The following PRR16 variants were observed in gnomAD, a reference collection of about 807,000 sequenced individuals.
PRR16 encodes proline rich 16.
A neutral mutation model predicts 18.2 loss-of-function variants in PRR16; 6 were observed. The ratio of observed to expected loss-of-function variants is 0.33; its 90% CI spans 0.18 to 0.65. The LOEUF is 0.65. Ranked by LOEUF, PRR16 falls within the 30% of genes least tolerant of loss-of-function variation. PRR16 has a pLI of 0.74. For synonymous variants in PRR16, 151 were observed against 147.8 expected, an observed-to-expected ratio of 1.02 and a Z score of -0.16; for missense variants, 412 against 376.6, an observed-to-expected ratio of 1.09 and a Z score of -0.78.
At chr5:120,782,442 C>A in the PRR16 span, among the ~76,000 whole-genome samples, 3 of 152,148 alleles carry the variant, frequency 2.0e-5, no homozygotes, top group African/African-American at 4.8e-5. Flanking sequence ...AAAAGTGAAG[C>A]CTGATGGGAC....
chr5:120,686,218 C>G lies in PRR16; in HGVS notation c.424C>G (p.Pro142Ala), dbSNP rs770042101. ...VKCEDPKRVV[P>A]TANPVKTNGT... Reference sequence around the variant, plus strand: ...GTGTGAAGACCCCAAAAGGGTGGTTCCAACTGCCAATCCTGTAAAAACCAA... The same window carrying G: ...GTGTGAAGACCCCAAAAGGGTGGTTGCAACTGCCAATCCTGTAAAAACCAA... The change falls in exon 2 of 2, where the codon CCA becomes GCA. Residue 142 changes from proline to alanine, a missense_variant. Coordinates refer to ENST00000407149, the MANE Select transcript of PRR16 (RefSeq NM_001300783.2). 1.7e-5 allele frequency: 27 copies of G among 1,614,042 alleles called. No individual in the cohort carries two copies. The highest frequency in any genetic ancestry group is 2.2e-5 in the Non-Finnish European group (26 of 1,180,044).
At position 120,557,867 on chromosome 5, in the gene PRR16, G is replaced by C. The variant is rs137990616; in HGVS notation, c.159+93222G>C. Among the ~76,000 whole-genome samples, 574 of 151,942 alleles carry C rather than the reference G, an allele frequency of 3.8e-3. 3 individuals carry two copies. The highest frequency in any genetic ancestry group is 0.013 in the African/African-American group (551 of 41,506). ...ATCATTTTGGAACTCATGCTACTTG[G>C]AACCTCATAATGTTTAGAAAATATT... On this transcript the variant is annotated intron_variant, in intron 1 of 1. Coordinates refer to ENST00000407149, the MANE Select transcript of PRR16 (RefSeq NM_001300783.2).
intron 1 of PRR16, among the ~76,000 whole-genome samples, chr5:120,672,816 T>A (rs2150147857): frequency 6.6e-6 from 1 of 152,292 alleles, no homozygotes; most frequent in Non-Finnish European, 1.5e-5. Context: ...TAAGCTTGTG[T>A]TAAAGTTTAT....
chr5:120,687,784 A>C (rs1757164713), downstream of PRR16, among the ~76,000 whole-genome samples: 1 of 152,234 alleles, frequency 6.6e-6, no homozygotes. Flanking sequence ...TAAAAGAAAG[A>C]GAAGAAATCT....
intron 1 of PRR16, among the ~76,000 whole-genome samples, chr5:120,493,658 GC>G (rs1370969169): frequency 2.0e-5 from 3 of 152,040 alleles, no homozygotes; most frequent in African/African-American, 7.2e-5. Flanking sequence ...CTCTCCTATT[GC>G]CCTTTTACAG....
chr5:120,464,358 C>A lies in PRR16; in HGVS notation c.-129C>A, dbSNP rs535949287. The A allele has an allele frequency of 1.9e-6, 2 of 1,051,260 alleles. No homozygotes were observed. The highest frequency in any genetic ancestry group is 3.4e-5 in the African/African-American group (2 of 58,976). The allele number at this position is 1,051,260 out of a possible 1,614,324, so 65.1% of individuals were successfully genotyped here. A position where few individuals can be genotyped will look rare whatever the true frequency, so the allele number is the denominator to read the frequency against. ...CCGAGCGCGGAGCGCAGCCACTCGCCGCTGCCCAGGGAGCGCCCAAGATGT... is the reference window on the plus strand; with the variant it reads ...CCGAGCGCGGAGCGCAGCCACTCGCAGCTGCCCAGGGAGCGCCCAAGATGT... On this transcript the variant is annotated 5_prime_UTR_variant, in exon 1 of 2. Coordinates refer to ENST00000407149, the MANE Select transcript of PRR16 (RefSeq NM_001300783.2).
At chr5:120,493,673 T>A (rs1750143980) in intron 1 of PRR16, among the ~76,000 whole-genome samples, 1 of 152,180 alleles carries the variant, frequency 6.6e-6, no homozygotes, top group Non-Finnish European at 1.5e-5. Context: ...TTTACAGCTA[T>A]ACCCACTTCT....
intron 1 of PRR16, among the ~76,000 whole-genome samples, chr5:120,493,488 G>A (rs1750136085): frequency 1.3e-5 from 2 of 151,910 alleles, no homozygotes. Context: ...GATCATTGTA[G>A]ATTCTCATGC....
chr5:120,528,887 T>C (rs1751456637), intron 1 of PRR16, among the ~76,000 whole-genome samples: 1 of 152,178 alleles, frequency 6.6e-6, no homozygotes, highest in Non-Finnish European at 1.5e-5. Context: ...GTTTTGATGT[T>C]CTTCATAAGC....
At chr5:120,664,003 A>C (rs1462583867) in intron 1 of PRR16, among the ~76,000 whole-genome samples, 5 of 152,142 alleles carry the variant, frequency 3.3e-5, no homozygotes, top group African/African-American at 1.2e-4. Context: ...ATGTGTAAAA[A>C]ACTGGACAAA....
At chr5:120,677,324 G>T (rs1447434984) in intron 1 of PRR16, among the ~76,000 whole-genome samples, 1 of 152,118 alleles carries the variant, frequency 6.6e-6, no homozygotes, top group Non-Finnish European at 1.5e-5. Context: ...CCTCTGTTAG[G>T]CTTATATGAG....
At chr5:120,735,889 T>A in the PRR16 span, among the ~76,000 whole-genome samples, 3 of 152,220 alleles carry the variant, frequency 2.0e-5, no homozygotes. Context: ...TCAAAAATCA[T>A]TGCCAAATAC....
At chr5:120,479,877 T>A (rs1295269493) in intron 1 of PRR16, among the ~76,000 whole-genome samples, 1 of 152,120 alleles carries the variant, frequency 6.6e-6, no homozygotes, top group African/African-American at 2.4e-5. Flanking sequence ...CAGTTAGTCA[T>A]CATTAGATGA....
At chr5:120,497,325 T>C (rs1750281625) in intron 1 of PRR16, among the ~76,000 whole-genome samples, 2 of 151,938 alleles carry the variant, frequency 1.3e-5, no homozygotes, top group Admixed American at 6.6e-5. Flanking sequence ...ATTGTGTTTT[T>C]TTTTTCTCGT....
At chr5:120,665,746 T>G (rs1487694850) in intron 1 of PRR16, among the ~76,000 whole-genome samples, 8 of 152,190 alleles carry the variant, frequency 5.3e-5, no homozygotes, top group Non-Finnish European at 1.2e-4. Flanking sequence ...TTTGTCAGGT[T>G]TGTCAAAGAT....
chr5:120,569,561 T>G (rs1401290058), intron 1 of PRR16, among the ~76,000 whole-genome samples: 1 of 152,106 alleles, frequency 6.6e-6, no homozygotes, highest in Admixed American at 6.6e-5. Context: ...ACTCAAAAAC[T>G]TACAGGTTGG....
intron 1 of PRR16, among the ~76,000 whole-genome samples, chr5:120,496,435 A>G (rs180880323): frequency 6.6e-6 from 1 of 151,958 alleles, no homozygotes; most frequent in Non-Finnish European, 1.5e-5. Flanking sequence ...ATGGTGAGGT[A>G]GTTTATGTTT....
chr5:120,588,443 G>T (rs565106680), intron 1 of PRR16, among the ~76,000 whole-genome samples: 12 of 152,208 alleles, frequency 7.9e-5, no homozygotes, highest in Admixed American at 7.9e-4. Context: ...CCCAACCTTA[G>T]CCCAACACCA....
chr5:120,649,109 C>A (rs1474122939), intron 1 of PRR16, among the ~76,000 whole-genome samples: 1 of 152,094 alleles, frequency 6.6e-6, no homozygotes, highest in East Asian at 1.9e-4. Flanking sequence ...CAAGTCAGTG[C>A]ACGCTGGCTC....
Sources: gnomAD v4.1 joint callset for allele counts (sites outside exome capture counted in the v4.1 genomes callset) on GRCh38, gnomAD v4.1.1 for gene constraint, MANE v1.5 for transcripts, NCBI Gene and HGNC (gene_info 2026-07-23, HGNC 2026-07-21) for gene names.